The following MARCHF8 variants were observed in gnomAD, a reference collection of about 807,000 sequenced individuals.
MARCHF8 encodes membrane associated ring-CH-type finger 8.
In MARCHF8, 40 loss-of-function variants were observed where a neutral mutation model predicts 51.6. That is an observed-to-expected ratio of 0.77 (90% CI 0.60 to 1.01). The LOEUF is 1.01. MARCHF8 is among the 50% of genes least tolerant of loss of function. The pLI is 0.00. For missense variants in MARCHF8, 685 were observed against 708.6 expected (o/e 0.97, Z 0.38); for synonymous variants, 263 against 280.3 (o/e 0.94, Z 0.62).
chr10:45,492,618 C>T (rs1471846396), intron 2 of MARCHF8, among the ~76,000 whole-genome samples: 3 of 152,174 alleles, frequency 2.0e-5, no homozygotes, highest in African/African-American at 7.2e-5. Flanking sequence ...CTTTAGATGT[C>T]CATTTATTTG....
chr10:45,537,739 T>A (rs939209440), upstream of MARCHF8, among the ~76,000 whole-genome samples: 1 of 151,686 alleles, frequency 6.6e-6, no homozygotes, highest in Non-Finnish European at 1.5e-5. Context: ...TTGTATGGAA[T>A]GCCCAGAGGA....
chr10:45,515,101 G>A (rs2043596835), intron 2 of MARCHF8, among the ~76,000 whole-genome samples: 1 of 152,134 alleles, frequency 6.6e-6, no homozygotes, highest in South Asian at 2.1e-4. Context: ...ATTCTTCTAG[G>A]AAGTACATGA....
At chr10:45,504,739 G>T (rs749285639) in intron 2 of MARCHF8, among the ~76,000 whole-genome samples, 3 of 152,076 alleles carry the variant, frequency 2.0e-5, no homozygotes, top group Non-Finnish European at 4.4e-5. Context: ...ATTTAAAGAG[G>T]ATACTAATGA....
chr10:45,569,600 G>T (rs2044406096), intron 1 of MARCHF8, among the ~76,000 whole-genome samples: 2 of 152,114 alleles, frequency 1.3e-5, no homozygotes, highest in South Asian at 4.1e-4. Flanking sequence ...GTTTTTCAAA[G>T]TATGAGAGCT....
At chr10:45,540,611 T>C (rs1807938943) in intron 1 of MARCHF8, among the ~76,000 whole-genome samples, 1 of 152,082 alleles carries the variant, frequency 6.6e-6, no homozygotes, top group Non-Finnish European at 1.5e-5. Flanking sequence ...CAAAAGAAAC[T>C]ACCATCAAAG....
chr10:45,502,920 C>T (rs886690166), intron 2 of MARCHF8, among the ~76,000 whole-genome samples: 7 of 151,984 alleles, frequency 4.6e-5, no homozygotes, highest in East Asian at 1.9e-4. Flanking sequence ...TTACATTTGA[C>T]GGCTGAAAGC....
chr10:45,514,111 G>A (rs984161503), intron 2 of MARCHF8, among the ~76,000 whole-genome samples: 14 of 152,278 alleles, frequency 9.2e-5, no homozygotes, highest in African/African-American at 2.9e-4. Flanking sequence ...ATGCTTACTG[G>A]CTTAAGAATA....
Position 45,533,301 on chromosome 10 carries a change from TGAAGAGAGAATAA to T in MARCHF8, c.-78-25_-78-13del, listed in dbSNP as rs1363838003. ...CCATGGATTTCAAGCTGAGAGAAAA[TGAAGAGAGAATAA>T]ACATAACTCAGCTAAAACACTTTAA... On this transcript the variant is annotated splice_polypyrimidine_tract_variant and intron_variant, in intron 1 of 7. Transcript: ENST00000453424. 6.3e-6 allele frequency: 9 copies of T among 1,436,382 alleles called. No individual in the cohort carries two copies. Among genetic ancestry groups the T allele is most frequent in the Non-Finnish European group, 8.2e-6 (9 of 1,092,770 alleles). The allele number at this position is 1,436,382 out of a possible 1,614,324, so 89.0% of individuals were successfully genotyped here.
chr10:45,517,686 T>C (rs2043642147), intron 2 of MARCHF8, among the ~76,000 whole-genome samples: 1 of 152,230 alleles, frequency 6.6e-6, no homozygotes, highest in Admixed American at 6.5e-5. Context: ...GTCTCAGGTA[T>C]TTCTTTACAG....
chr10:45,569,550 C>T (rs975218673), intron 1 of MARCHF8, among the ~76,000 whole-genome samples: 2 of 152,018 alleles, frequency 1.3e-5, no homozygotes, highest in Admixed American at 1.3e-4. Flanking sequence ...GAGATATTGG[C>T]CTGCAGTTTT....
At chr10:45,550,840 T>A (rs979063909) in intron 1 of MARCHF8, among the ~76,000 whole-genome samples, 1 of 152,202 alleles carries the variant, frequency 6.6e-6, no homozygotes, top group Non-Finnish European at 1.5e-5. Flanking sequence ...TTACAACCCA[T>A]AGCAGTTACC....
chr10:45,461,012 A>G lies in MARCHF8; in HGVS notation c.1269+219T>C. 7.5e-6 allele frequency: 3 copies of G among 400,972 alleles called. No individual in the cohort carries two copies. In the South Asian group the frequency reaches 2.3e-4, roughly 30 times the overall value. The allele number at this position is 400,972 out of a possible 1,614,324, so 24.8% of individuals were successfully genotyped here. Reference sequence around the variant, plus strand: ...AAGCAAGCAGTCTTACTTTGAAGGGAAAAGAAGGATTATGAATGGTCAGAA... The same window carrying G: ...AAGCAAGCAGTCTTACTTTGAAGGGGAAAGAAGGATTATGAATGGTCAGAA... On this transcript the variant is annotated intron_variant, in intron 6 of 7. Coordinates refer to ENST00000453424, the MANE Select transcript of MARCHF8 (RefSeq NM_001282866.2).
At chr10:45,494,630 T>C (rs1262670092) in intron 2 of MARCHF8, among the ~76,000 whole-genome samples, 1 of 152,184 alleles carries the variant, frequency 6.6e-6, no homozygotes, top group East Asian at 1.9e-4. Flanking sequence ...TTGAAAGAAA[T>C]TAACTAAAGA....
At chr10:45,546,142 A>T (rs1430790011) in intron 1 of MARCHF8, among the ~76,000 whole-genome samples, 7 of 134,302 alleles carry the variant, frequency 5.2e-5, no homozygotes, top group Middle Eastern at 3.7e-3. Context: ...CTGAATTTTT[A>T]TTTATTTATT....
chr10:45,555,047 C>G (rs953711211), intron 1 of MARCHF8, among the ~76,000 whole-genome samples: 1 of 150,574 alleles, frequency 6.6e-6, no homozygotes. Flanking sequence ...GAGTGAGACT[C>G]TGTCTCCAAA....
intron 3 of MARCHF8, among the ~76,000 whole-genome samples, chr10:45,474,705 T>A (rs1006323563): frequency 1.4e-4 from 22 of 152,058 alleles, no homozygotes; most frequent in Non-Finnish European, 2.9e-4. Flanking sequence ...TTTGAATAGA[T>A]CATCTAACAG....
chr10:45,540,612 A>G (rs940579912), intron 1 of MARCHF8, among the ~76,000 whole-genome samples: 1 of 152,210 alleles, frequency 6.6e-6, no homozygotes, highest in African/African-American at 2.4e-5. Context: ...AAAAGAAACT[A>G]CCATCAAAGT....
Position 45,463,905 on chromosome 10 carries a change from G to C in MARCHF8, c.334C>G (p.Gln112Glu). Residue 112 changes from glutamine (Q) to glutamate (E), a missense_variant, in exon 5 of 8, where the codon CAA becomes GAA. Transcript: ENST00000453424. ...KAPHCQSSLTQGLTVTVICKD... is the reference protein window; with the variant it reads ...KAPHCQSSLTEGLTVTVICKD... ...CAGATAACTGTCACAGTGAGCCCTTGTGTCAGAGAACTCTGGCAGTGAGGA... is the reference window on the plus strand; with the variant it reads ...CAGATAACTGTCACAGTGAGCCCTTCTGTCAGAGAACTCTGGCAGTGAGGA... 1 of 1,536,554 alleles carries C rather than the reference G, an allele frequency of 6.5e-7. No homozygotes were observed. Among genetic ancestry groups the C allele is most frequent in the South Asian group, 1.2e-5 (1 of 84,066 alleles).
At chr10:45,508,110 T>C (rs1227312489) in intron 2 of MARCHF8, among the ~76,000 whole-genome samples, 1 of 152,196 alleles carries the variant, frequency 6.6e-6, no homozygotes, top group East Asian at 1.9e-4. Context: ...TATTTTCAAA[T>C]GTTTGGATGT....
Sources: gnomAD v4.1 joint callset for allele counts (sites outside exome capture counted in the v4.1 genomes callset) on GRCh38, gnomAD v4.1.1 for gene constraint, MANE v1.5 for transcripts, NCBI Gene and HGNC (gene_info 2026-07-23, HGNC 2026-07-21) for gene names.